Variants in HEPACAM2 observed in about 807,000 individuals in gnomAD.
HEPACAM2 encodes the protein mitotic kinetics regulator.
HEPACAM2 carries 49 observed loss-of-function variants against 49.6 expected under a neutral mutation model. That is an observed-to-expected ratio of 0.99 (90% CI 0.78 to 1.25). The LOEUF (loss-of-function observed/expected upper bound fraction) is 1.25, where lower values mean the gene tolerates loss of function less well. Among genes scored for constraint, HEPACAM2 ranks in the 50% most tolerant of loss-of-function variants. The pLI is 0.00. For synonymous variants in HEPACAM2, 197 were observed against 202.9 expected, an observed-to-expected ratio of 0.97 and a Z score of 0.25; for missense variants, 525 against 557.2, an observed-to-expected ratio of 0.94 and a Z score of 0.58.
intron 3 of HEPACAM2, among the ~76,000 whole-genome samples, chr7:93,211,728 C>T (rs1794183431): frequency 6.6e-6 from 1 of 151,804 alleles, no homozygotes; most frequent in African/African-American, 2.4e-5. Flanking sequence ...TTATGGTGCA[C>T]ACCGAAGGAA....
intron 1 of HEPACAM2, among the ~76,000 whole-genome samples, chr7:93,221,473 T>C (rs987429118): frequency 1.3e-5 from 2 of 152,328 alleles, no homozygotes; most frequent in African/African-American, 4.8e-5. Context: ...AACTCAAAGA[T>C]GTAGGCCTGT....
chr7:93,215,484 T>C lies in HEPACAM2; in HGVS notation c.632A>G (p.Lys211Arg). The stretch of plus-strand genomic sequence containing the variant: ...GCAGCTGTAATTCCCAATGTCTTCC[T>C]TGGTTACTGGAGCAATATGAAGGGT... Reference protein sequence around the residue: ...NNTLHIAPVTKEDIGNYSCLV... With the variant: ...NNTLHIAPVTREDIGNYSCLV... Residue 211 changes from lysine to arginine, a missense_variant, in exon 3 of 10, where the codon AAG (lysine) becomes AGG (arginine). Lys to Arg is a conservative substitution (Grantham distance 26). Transcript: ENST00000394468. 6.2e-7 allele frequency: 1 copy of C among 1,613,898 alleles called. No individual in the cohort carries two copies. Among genetic ancestry groups the C allele is most frequent in the Non-Finnish European group, 8.5e-7 (1 of 1,179,866 alleles).
upstream of HEPACAM2, among the ~76,000 whole-genome samples, chr7:93,227,640 T>G (rs1449051330): frequency 1.3e-5 from 2 of 152,178 alleles, no homozygotes; most frequent in Non-Finnish European, 2.9e-5. Context: ...GATCAGTCAC[T>G]TTCAGATCCC....
Position 93,189,079 on chromosome 7 carries a change from G to T in HEPACAM2, c.*188C>A. The T allele has an allele frequency of 1.9e-6, 1 of 523,352 alleles. No homozygotes were observed. The highest frequency in any genetic ancestry group is 3.7e-5 in the Admixed American group (1 of 27,276). The allele number at this position is 523,352 out of a possible 1,614,324, so 32.4% of individuals were successfully genotyped here. The stretch of plus-strand genomic sequence containing the variant: ...ATGTTTTTCTGTTGCACAAGACATT[G>T]TGTATATGCTGAAAAACCTGCAGTT... On this transcript the variant is annotated 3_prime_UTR_variant, in exon 10 of 10. Coordinates refer to ENST00000394468, the MANE Select transcript of HEPACAM2 (RefSeq NM_001039372.4).
chr7:93,215,596 C>A lies in HEPACAM2; in HGVS notation c.520G>T (p.Gly174Trp), dbSNP rs1794286909. ...CATTGGTAAGCTAGCCGAGTGCCCCCTTCCACATGGCATGTCAGGGTCATG... is the reference window on the plus strand; with the variant it reads ...CATTGGTAAGCTAGCCGAGTGCCCCATTCCACATGGCATGTCAGGGTCATG... Reference protein sequence around the residue: ...GNMTLTCHVEGGTRLAYQWLK... With the variant: ...GNMTLTCHVEWGTRLAYQWLK... Residue 174 changes from glycine to tryptophan, a missense_variant, in exon 3 of 10, where the codon GGG (glycine) becomes TGG (tryptophan). By Grantham distance (184) the Gly-to-Trp change is radical. Coordinates refer to ENST00000394468, the MANE Select transcript of HEPACAM2 (RefSeq NM_001039372.4). 3.1e-6 allele frequency: 5 copies of A among 1,613,650 alleles called. No individual in the cohort carries two copies. In the Admixed American group the frequency reaches 8.3e-5, roughly 27 times the overall value.
At chr7:93,203,869 C>T (rs1758248114) in intron 4 of HEPACAM2, among the ~76,000 whole-genome samples, 1 of 152,086 alleles carries the variant, frequency 6.6e-6, no homozygotes, top group Admixed American at 6.6e-5. Context: ...GAAGGTGCCA[C>T]GTTGAGGAGT....
intron 3 of HEPACAM2, among the ~76,000 whole-genome samples, chr7:93,213,033 C>A (rs968865933): frequency 1.3e-5 from 2 of 152,014 alleles, no homozygotes; most frequent in African/African-American, 4.8e-5. Flanking sequence ...TTCTCTTTAA[C>A]AATTTATGGC....
In HEPACAM2 at chr7:93,197,545, G is replaced by T; in HGVS notation, c.1078C>A (p.Leu360Ile). ...SPLASITGIS[L>I]FLIISMCLLF... ...AGACACATGGATATAATCAAAAATA[G>T]TGATATTCCAGTTATACTTGCTAAA... The change falls in exon 5 of 10, where the codon CTA becomes ATA. Residue 360 changes from leucine (L) to isoleucine (I), a missense_variant. Leu to Ile is a conservative substitution (Grantham distance 5). Coordinates refer to ENST00000394468, the MANE Select transcript of HEPACAM2 (RefSeq NM_001039372.4). The T allele has an allele frequency of 6.3e-7, 1 of 1,595,990 alleles. No individual in the cohort carries two copies. Among genetic ancestry groups the T allele is most frequent in the Non-Finnish European group, 8.6e-7 (1 of 1,165,494 alleles).
intron 8 of HEPACAM2, 60 bp from the exon 9 acceptor site, chr7:93,192,423 T>C: frequency 8.0e-7 from 1 of 1,256,182 alleles, no homozygotes; most frequent in Non-Finnish European, 1.1e-6. Context: ...GTTTTTCCAC[T>C]ATGTTGCATA....
chr7:93,230,631 C>T (rs1174366567), upstream of HEPACAM2, among the ~76,000 whole-genome samples: 7 of 152,170 alleles, frequency 4.6e-5, no homozygotes, highest in Non-Finnish European at 8.8e-5. Flanking sequence ...ATTTTATAGG[C>T]TAATATGGCT....
chr7:93,217,235 G>A (rs1794326665), intron 2 of HEPACAM2, among the ~76,000 whole-genome samples: 1 of 152,150 alleles, frequency 6.6e-6, no homozygotes, highest in African/African-American at 2.4e-5. Flanking sequence ...AGTGGTATGA[G>A]ATAAATAGGT....
At chr7:93,215,363 C>CA (rs752764996) in intron 3 of HEPACAM2, 38 bp downstream of exon 3, 24 of 1,582,220 alleles carry the variant, frequency 1.5e-5, no homozygotes, top group Non-Finnish European at 6.9e-6. Context: ...CAGAAAACAA[C>CA]AAAAAACAAC....
intron 1 of HEPACAM2, among the ~76,000 whole-genome samples, chr7:93,220,657 G>A (rs1446108577): frequency 6.6e-6 from 1 of 152,180 alleles, no homozygotes; most frequent in East Asian, 1.9e-4. Flanking sequence ...GAGGGCCTTG[G>A]GGCATGGAGC....
chr7:93,229,358 T>C (rs1301818207), upstream of HEPACAM2, among the ~76,000 whole-genome samples: 3 of 152,152 alleles, frequency 2.0e-5, no homozygotes. Context: ...CCTCTTTAGG[T>C]CACTACTTTA....
chr7:93,219,358 T>G lies in HEPACAM2; in HGVS notation c.173A>C (p.His58Pro), dbSNP rs557473967. Reference sequence around the variant, plus strand: ...GATCTGGATGTCTGATGCTGGAGTGTGGAAGCCATAGTGGACGGGTAGGTA... The same window carrying G: ...GATCTGGATGTCTGATGCTGGAGTGGGGAAGCCATAGTGGACGGGTAGGTA... ...ALYLPVHYGF[H>P]TPASDIQIIW... Residue 58 changes from histidine to proline, a missense_variant, in exon 2 of 10, where the codon CAC (histidine) becomes CCC (proline). His to Pro is a moderately conservative substitution (Grantham distance 77). Transcript: ENST00000394468. 57 of 1,613,972 alleles carry G rather than the reference T, an allele frequency of 3.5e-5. No homozygotes were observed. The East Asian group carries it at 1.2e-3, about 34-fold the overall frequency.
intron 4 of HEPACAM2, among the ~76,000 whole-genome samples, chr7:93,201,472 TTTTA>T (rs1281894883): frequency 6.6e-6 from 1 of 152,120 alleles, no homozygotes; most frequent in Non-Finnish European, 1.5e-5. Flanking sequence ...AGTTATACAT[TTTTA>T]TTTGTCTTTT....
At chr7:93,216,438 A>G (rs1794309862) in intron 2 of HEPACAM2, among the ~76,000 whole-genome samples, 1 of 152,220 alleles carries the variant, frequency 6.6e-6, no homozygotes, top group African/African-American at 2.4e-5. Context: ...AAATAGTCTT[A>G]TTTCATCATC....
intron 3 of HEPACAM2, among the ~76,000 whole-genome samples, chr7:93,214,895 A>G (rs2116701916): frequency 6.6e-6 from 1 of 152,308 alleles, no homozygotes; most frequent in South Asian, 2.1e-4. Flanking sequence ...TTTTCATTTA[A>G]ACCTATGGCT....
At chr7:93,217,790 A>G (rs111290242) in intron 2 of HEPACAM2, among the ~76,000 whole-genome samples, 5 of 152,068 alleles carry the variant, frequency 3.3e-5, no homozygotes, top group African/African-American at 1.2e-4. Context: ...AGGTAGTAAT[A>G]AAAGCTATGA....
Sources: allele counts gnomAD v4.1 joint callset (sites outside exome capture counted in the v4.1 genomes callset), GRCh38; gene constraint gnomAD v4.1.1; transcripts MANE v1.5; gene names NCBI Gene and HGNC (gene_info 2026-07-23, HGNC 2026-07-21).